Variants in CEP41 observed in about 807,000 individuals in gnomAD.
The protein encoded by CEP41 is centrosomal protein 41, also known as centrosomal protein of 41 kDa.
In CEP41, 32 loss-of-function variants were observed where a neutral mutation model predicts 44.3. The ratio of observed to expected loss-of-function variants is 0.72; its 90% confidence interval spans 0.54 to 0.97. The LOEUF (loss-of-function observed/expected upper bound fraction) is 0.97. Ranked by LOEUF, CEP41 falls within the 50% of genes least tolerant of loss-of-function variation. CEP41 has a pLI of 0.00. For synonymous variants in CEP41, 151 were observed against 168.5 expected (o/e 0.90, Z 0.80); for missense variants, 432 against 455.2 (o/e 0.95, Z 0.46).
Position 130,395,825 on chromosome 7 carries a change from C to T in CEP41, c.*3066G>A, listed in dbSNP as rs765675123. 8.8e-6 allele frequency: 4 copies of T among 452,164 alleles called. No individual in the cohort carries two copies. Among genetic ancestry groups the T allele is most frequent in the Admixed American group, 2.4e-5 (1 of 42,364 alleles). The allele number at this position is 452,164 out of a possible 1,614,324, so 28.0% of individuals were successfully genotyped here. On this transcript the variant is annotated 3_prime_UTR_variant, in exon 11 of 11. Transcript: ENST00000223208. Reference sequence around the variant, plus strand: ...GAATGTTATTTGGTCTCTTTTCATTCGGATTTATACCAAGCCCAATATGAT... The same window carrying T: ...GAATGTTATTTGGTCTCTTTTCATTTGGATTTATACCAAGCCCAATATGAT...
At chr7:130,404,464 G>T in intron 6 of CEP41, 100 bp downstream of exon 6, 1 of 940,008 alleles carries the variant, frequency 1.1e-6, no homozygotes, top group South Asian at 1.3e-5. Flanking sequence ...ACTCCTGCCA[G>T]TTCTGTTTCT....
In CEP41 at chr7:130,396,270, G is replaced by A. The variant is rs782471496; in HGVS notation, c.*2621C>T. On this transcript the variant is annotated 3_prime_UTR_variant, in exon 11 of 11. Coordinates refer to ENST00000223208, the MANE Select transcript of CEP41 (RefSeq NM_018718.3). The stretch of plus-strand genomic sequence containing the variant: ...AGGGCAGCTAGTCAACCCCTGAGAC[G>A]CTGGTAGGAAGCCATGATCCAGTTG... 10 of 454,054 alleles carry A rather than the reference G, an allele frequency of 2.2e-5. No homozygotes were observed. Among genetic ancestry groups the A allele is most frequent in the South Asian group, 9.3e-5 (6 of 64,458 alleles). 28.1% of individuals were successfully genotyped at this position (454,054 alleles called of 1,614,324 possible). A position where few individuals can be genotyped will look rare whatever the true frequency, so the allele number is the denominator to read the frequency against.
rs782363254 is a variant in CEP41 at position 130,398,712 on chromosome 7, T to C, written c.*179A>G. 6.2e-6 allele frequency: 5 copies of C among 805,878 alleles called. No individual in the cohort carries two copies. Among genetic ancestry groups the C allele is most frequent in the Admixed American group, 1.7e-5 (1 of 58,382 alleles). 49.9% of individuals were successfully genotyped at this position (805,878 alleles called of 1,614,324 possible). On this transcript the variant is annotated 3_prime_UTR_variant, in exon 11 of 11. Transcript: ENST00000223208. Reference sequence around the variant, plus strand: ...TTTTTATGGTCACCTGTCAAAATCCTTCCTGAGGTGGCCTCCTGAGGGGAG... The same window carrying C: ...TTTTTATGGTCACCTGTCAAAATCCCTCCTGAGGTGGCCTCCTGAGGGGAG...
intron 3 of CEP41, 49 bp from the exon 4 acceptor site, chr7:130,412,289 C>A (rs782571647): frequency 2.2e-6 from 2 of 899,140 alleles, no homozygotes; most frequent in South Asian, 1.3e-5. Flanking sequence ...TTTTTTAGAG[C>A]TATTCTTTCT....
intron 2 of CEP41, among the ~76,000 whole-genome samples, chr7:130,425,676 T>C (rs1584898317): frequency 6.6e-6 from 1 of 152,256 alleles, no homozygotes; most frequent in South Asian, 2.1e-4. Flanking sequence ...AATGAAGATT[T>C]AGGTTCAAAC....
In CEP41 at chr7:130,397,646, A is replaced by G. The variant is rs1476721929; in HGVS notation, c.*1245T>C. 5 of 453,930 alleles carry G rather than the reference A, an allele frequency of 1.1e-5. No homozygotes were observed. Among genetic ancestry groups the G allele is most frequent in the Non-Finnish European group, 2.2e-5 (5 of 226,732 alleles). 28.1% of individuals were successfully genotyped at this position (453,930 alleles called of 1,614,324 possible). A position where few individuals can be genotyped will look rare whatever the true frequency, so the allele number is the denominator to read the frequency against. ...GCTGGTTGCCATGACAAAGAGCACA[A>G]TTTATTCCTCAGTCCCTTATCACAG... On this transcript the variant is annotated 3_prime_UTR_variant, in exon 11 of 11. Transcript: ENST00000223208.
intron 2 of CEP41, among the ~76,000 whole-genome samples, chr7:130,425,367 C>T (rs971469910): frequency 1.3e-5 from 2 of 152,182 alleles, no homozygotes; most frequent in Non-Finnish European, 2.9e-5. Flanking sequence ...GAGCCAAGAT[C>T]ATGCCACTGC....
chr7:130,397,204 T>C lies in CEP41; in HGVS notation c.*1687A>G, dbSNP rs1039754858. On this transcript the variant is annotated 3_prime_UTR_variant, in exon 11 of 11. Transcript: ENST00000223208. ...GAACTAAGTTCTCAGGCAATAAATTTATGGGGAAACATGACAGGCTCCTCA... is the reference window on the plus strand; with the variant it reads ...GAACTAAGTTCTCAGGCAATAAATTCATGGGGAAACATGACAGGCTCCTCA... 3 of 454,352 alleles carry C rather than the reference T, an allele frequency of 6.6e-6. No individual in the cohort carries two copies. Among genetic ancestry groups the C allele is most frequent in the African/African-American group, 2.0e-5 (1 of 49,984 alleles). The allele number at this position is 454,352 out of a possible 1,614,324, so 28.1% of individuals were successfully genotyped here.
At chr7:130,441,392 T>A (rs1351142366), upstream of CEP41, among the ~76,000 whole-genome samples, 3 of 152,244 alleles carry the variant, frequency 2.0e-5, no homozygotes, top group African/African-American at 7.2e-5. Context: ...AGCTCCGTTT[T>A]ATGGCCGTTT....
intron 6 of CEP41, 62 bp from the exon 7 acceptor site, chr7:130,402,861 G>GT: frequency 6.5e-7 from 1 of 1,547,880 alleles, no homozygotes. Flanking sequence ...AAGGTCGAAC[G>GT]TGTCTCTTCA....
rs913663550 is a variant in CEP41, at chr7:130,417,237, G to C, written c.98-271C>G. ...TTGACAAGTTCCAGGAGATACAGATGATCATTTTCTATCAGTTTGTTTTTC... is the reference window on the plus strand; with the variant it reads ...TTGACAAGTTCCAGGAGATACAGATCATCATTTTCTATCAGTTTGTTTTTC... On this transcript the variant is annotated intron_variant, in intron 2 of 10. Coordinates refer to ENST00000223208, the MANE Select transcript of CEP41 (RefSeq NM_018718.3). The C allele has an allele frequency of 8.0e-6, 10 of 1,249,774 alleles. No individual in the cohort carries two copies. In the African/African-American group the frequency reaches 9.2e-5, roughly 11 times the overall value. The allele number at this position is 1,249,774 out of a possible 1,614,324, so 77.4% of individuals were successfully genotyped here.
At chr7:130,408,283 A>C (rs1349995204) in intron 5 of CEP41, among the ~76,000 whole-genome samples, 4 of 152,326 alleles carry the variant, frequency 2.6e-5, no homozygotes, top group Non-Finnish European at 5.9e-5. Context: ...TACTTAATAT[A>C]GCCTGGAAAT....
chr7:130,402,314 TC>T (rs1339016834), intron 7 of CEP41, among the ~76,000 whole-genome samples: 1 of 144,962 alleles, frequency 6.9e-6, no homozygotes, highest in Admixed American at 7.0e-5. Flanking sequence ...CCACTACACT[TC>T]AGTCTTGGCA....
intron 8 of CEP41, 109 bp from the exon 9 acceptor site, chr7:130,400,930 C>T (rs1386919598): frequency 5.3e-6 from 4 of 748,690 alleles, no homozygotes; most frequent in South Asian, 1.5e-5. Context: ...TTCCCGGGAA[C>T]GATGGACAAG....
At chr7:130,415,429 G>A (rs1339318463) in intron 3 of CEP41, among the ~76,000 whole-genome samples, 2 of 152,184 alleles carry the variant, frequency 1.3e-5, no homozygotes, top group Non-Finnish European at 2.9e-5. Flanking sequence ...TCAGCACAAA[G>A]TGTGTGAAAT....
At position 130,397,411 on chromosome 7, in the gene CEP41, A is replaced by C; in HGVS notation, c.*1480T>G. The C allele has an allele frequency of 1.8e-5, 8 of 447,696 alleles. No individual in the cohort carries two copies. Among genetic ancestry groups the C allele is most frequent in the South Asian group, 1.3e-4 (8 of 63,290 alleles). 27.7% of individuals were successfully genotyped at this position (447,696 alleles called of 1,614,324 possible). Reference sequence around the variant, plus strand: ...CACACTCTAAAACAGAACTGGGCTGAATCTGAAAGTTATTTTTCCATATGT... The same window carrying C: ...CACACTCTAAAACAGAACTGGGCTGCATCTGAAAGTTATTTTTCCATATGT... On this transcript the variant is annotated 3_prime_UTR_variant, in exon 11 of 11. Transcript: ENST00000223208.
At chr7:130,427,823 G>A in intron 2 of CEP41, 132 bp downstream of exon 2, 1 of 653,718 alleles carries the variant, frequency 1.5e-6, no homozygotes, top group South Asian at 1.8e-5. Flanking sequence ...GATAAATCCT[G>A]AGCCGAGAAA....
chr7:130,405,999 G>A (rs781988353), intron 5 of CEP41, among the ~76,000 whole-genome samples: 1 of 152,100 alleles, frequency 6.6e-6, no homozygotes, highest in Non-Finnish European at 1.5e-5. Flanking sequence ...TACAAAATAT[G>A]TAAAACAACG....
chr7:130,426,146 T>C (rs1554423420), intron 2 of CEP41, among the ~76,000 whole-genome samples: 2 of 152,338 alleles, frequency 1.3e-5, no homozygotes, highest in African/African-American at 4.8e-5. Flanking sequence ...TATGGGAAAC[T>C]GGGTAAAGCG....
Sources: allele counts gnomAD v4.1 joint callset (sites outside exome capture counted in the v4.1 genomes callset), GRCh38; gene constraint gnomAD v4.1.1; transcripts MANE v1.5; gene names NCBI Gene and HGNC (gene_info 2026-07-23, HGNC 2026-07-21).